SATL1: variants seen among roughly 807,000 people sequenced by gnomAD.
The protein encoded by SATL1 is spermidine/spermine N1-acetyl transferase like 1, also known as spermidine/spermine N(1)-acetyltransferase-like protein 1.
A neutral mutation model predicts 51.8 loss-of-function variants in SATL1; 47 were observed. That is an observed-to-expected ratio of 0.91 (90% confidence interval 0.72 to 1.16). SATL1 has a LOEUF of 1.16. SATL1 is among the 50% of genes most tolerant of loss of function. The probability of loss-of-function intolerance (pLI) is 0.00; values close to 1 mark genes in which losing one functional copy is unlikely to be tolerated. For synonymous variants in SATL1, 176 were observed against 182.4 expected (o/e 0.97, Z 0.28); for missense variants, 520 against 526.4 (o/e 0.99, Z 0.12).
In SATL1 at chrX:85,106,963, G is replaced by A. The variant is rs371007152; in HGVS notation, c.1641+365C>T. Among the ~76,000 whole-genome samples the A allele has an allele frequency of 1.9e-4, 21 of 111,247 alleles. No homozygotes were observed. In the East Asian group the frequency reaches 6.0e-3, roughly 32 times the overall value. The stretch of plus-strand genomic sequence containing the variant: ...ATCATCGGTGGGTCATTTGTTTAAG[G>A]TAAGCATTTCTTTTCTCTAAGACAC... On this transcript the variant is annotated intron_variant, in intron 3 of 7. Transcript: ENST00000644105.
intron 2 of SATL1, among the ~76,000 whole-genome samples, chrX:85,190,535 G>C (rs1446253633): frequency 9.0e-6 from 1 of 111,168 alleles, no homozygotes; most frequent in Non-Finnish European, 1.9e-5. Context: ...GAATATCTTA[G>C]ATAATACCCA....
intron 2 of SATL1, among the ~76,000 whole-genome samples, chrX:85,183,902 A>AT (rs1486807031): frequency 9.0e-6 from 1 of 111,141 alleles, no homozygotes; most frequent in African/African-American, 3.3e-5. Context: ...ATCTAAGTAT[A>AT]TTTTTAAATT....
rs144271899 is a variant in SATL1 at position 85,095,825 on chromosome X, C to CAAAA, written c.1694-833_1694-830dup. Among the ~76,000 whole-genome samples, 9 of 32,748 alleles carry CAAAA rather than the reference C, an allele frequency of 2.7e-4. 1 individual carries two copies. Among genetic ancestry groups the CAAAA allele is most frequent in the South Asian group, 0.013 (2 of 157 alleles). 28.4% of individuals were successfully genotyped at this position (32,748 alleles called of 115,157 possible). ...TGGGCGACAGAGCGAGACTCCGTCT[C>CAAAA]AAAAAAAAAAAAAAAAAAAAAAAAA... On this transcript the variant is annotated intron_variant, in intron 4 of 7. Coordinates refer to ENST00000644105, the MANE Select transcript of SATL1 (RefSeq NM_001367857.2).
At chrX:85,178,387 G>C (rs113161333) in intron 2 of SATL1, among the ~76,000 whole-genome samples, 2,382 of 110,548 alleles carry the variant, frequency 0.022, 65 homozygotes, top group African/African-American at 0.074. Context: ...AGGTCCTTTG[G>C]TATGGAAACC....
chrX:85,169,132 A>G (rs1239460252), intron 2 of SATL1, among the ~76,000 whole-genome samples: 1 of 112,582 alleles, frequency 8.9e-6, no homozygotes, highest in Non-Finnish European at 1.9e-5. Flanking sequence ...AAGATGGAGT[A>G]AAGACTTAAA....
chrX:85,155,628 T>C (rs780149609), intron 2 of SATL1, among the ~76,000 whole-genome samples: 180 of 111,724 alleles, frequency 1.6e-3, no homozygotes, highest in Non-Finnish European at 3.1e-3. Context: ...TGAGCTCCAT[T>C]TTATTCTCCC....
rs1602835986 is a variant in SATL1 at position 85,107,989 on chromosome X, C to T, written c.980G>A (p.Ser327Asn). 1 of 1,211,702 alleles carries T rather than the reference C, an allele frequency of 8.3e-7. No individual in the cohort carries two copies. The highest frequency in any genetic ancestry group is 1.7e-5 in the African/African-American group (1 of 57,726). Residue 327 changes from serine to asparagine, a missense_variant, in exon 3 of 8, where the codon AGC becomes AAC. By Grantham distance (46) the Ser-to-Asn change is conservative (BLOSUM62 1). Transcript: ENST00000644105. The part of the protein sequence containing the change: ...KQPGTWQLGR[S>N]QPGMWPQSLS... ...GCTTTGTGGCCACATGCCTGGTTGG[C>T]TCCTACCTAATTGCCATGTGCCTGG...
At chrX:85,131,041 T>G (rs1925781874) in intron 2 of SATL1, among the ~76,000 whole-genome samples, 1 of 112,007 alleles carries the variant, frequency 8.9e-6, no homozygotes, top group South Asian at 3.7e-4. Context: ...TTCTTTTACA[T>G]TTGCTGAGGA....
intron 2 of SATL1, among the ~76,000 whole-genome samples, chrX:85,164,104 A>G (rs767739944): frequency 4.5e-5 from 5 of 111,809 alleles, no homozygotes; most frequent in African/African-American, 1.6e-4. Flanking sequence ...TGTGCATGGA[A>G]TATTTTTTTC....
At position 85,130,239 on chromosome X, in the gene SATL1, A is replaced by G. The variant is rs6623230; in HGVS notation, c.-312-20959T>C. On this transcript the variant is annotated intron_variant, in intron 2 of 7. Transcript: ENST00000644105. ...AGGAATGGTGCCAGCTCCTCTTTGTACATCTGGTAGAATTCGGCTGTGAAT... is the reference window on the plus strand; with the variant it reads ...AGGAATGGTGCCAGCTCCTCTTTGTGCATCTGGTAGAATTCGGCTGTGAAT... 3.3e-4 allele frequency among the ~76,000 whole-genome samples: 37 copies of G among 111,721 alleles called. No homozygotes were observed. The East Asian group carries it at 9.5e-3, about 29-fold the overall frequency.
chrX:85,170,724 T>C (rs1468160169), intron 2 of SATL1, among the ~76,000 whole-genome samples: 3 of 111,618 alleles, frequency 2.7e-5, no homozygotes, highest in Non-Finnish European at 5.7e-5. Flanking sequence ...TTTGGATAAA[T>C]GAAATGCAAA....
chrX:85,219,458 T>C (rs1928125631), intron 2 of SATL1: 1 of 111,795 alleles, frequency 8.9e-6, no homozygotes, highest in South Asian at 3.7e-4. Context: ...AGATGTTTAT[T>C]ATCACCAAAA....
At chrX:85,151,305 G>T (rs1193637515) in intron 2 of SATL1, among the ~76,000 whole-genome samples, 1 of 110,640 alleles carries the variant, frequency 9.0e-6, no homozygotes, top group African/African-American at 3.3e-5. Context: ...CGGTGCTCAA[G>T]GAAATAAAAA....
At chrX:85,146,423 C>A in intron 2 of SATL1, among the ~76,000 whole-genome samples, 1 of 111,594 alleles carries the variant, frequency 9.0e-6, no homozygotes, top group East Asian at 2.8e-4. Flanking sequence ...GGATTGCATT[C>A]CTGTATCAGA....
chrX:85,096,568 T>A (rs987277230), intron 4 of SATL1, among the ~76,000 whole-genome samples: 9 of 111,242 alleles, frequency 8.1e-5, no homozygotes, highest in African/African-American at 2.9e-4. Context: ...CTAACTAGGA[T>A]ACACCCAAAG....
intron 2 of SATL1, among the ~76,000 whole-genome samples, chrX:85,147,028 T>G (rs935317030): frequency 6.2e-5 from 7 of 112,558 alleles, no homozygotes; most frequent in Non-Finnish European, 1.3e-4. Context: ...ATTGCCTCAC[T>G]TGGGAAGCAC....
intron 2 of SATL1, among the ~76,000 whole-genome samples, chrX:85,199,761 G>A (rs1304358130): frequency 1.8e-5 from 2 of 111,563 alleles, no homozygotes; most frequent in African/African-American, 3.3e-5. Context: ...TGTAGAATAA[G>A]GTTGCCAGAG....
intron 2 of SATL1, among the ~76,000 whole-genome samples, chrX:85,192,518 C>T (rs776559623): frequency 2.7e-5 from 3 of 110,647 alleles, no homozygotes; most frequent in Non-Finnish European, 5.7e-5. Context: ...GCTTTATGTC[C>T]TCACTTTTCT....
chrX:85,171,412 T>C (rs769164669), intron 2 of SATL1, among the ~76,000 whole-genome samples: 1 of 111,940 alleles, frequency 8.9e-6, no homozygotes, highest in Non-Finnish European at 1.9e-5. Flanking sequence ...TGAAGTACGG[T>C]TAATGAATAC....
Sources: allele counts gnomAD v4.1 joint callset (sites outside exome capture counted in the v4.1 genomes callset), GRCh38; gene constraint gnomAD v4.1.1; transcripts MANE v1.5; gene names NCBI Gene and HGNC (gene_info 2026-07-23, HGNC 2026-07-21).